OTOGL: variants seen among roughly 807,000 people sequenced by gnomAD.
OTOGL encodes otogelin like, also known as otogelin-like protein.
In OTOGL, 285 loss-of-function variants were observed where a neutral mutation model predicts 318.5. The observed-to-expected ratio is 0.89, with a 90% CI of 0.81 to 0.99. The LOEUF (loss-of-function observed/expected upper bound fraction) is 0.99, where lower values mean the gene tolerates loss of function less well. Among genes scored for constraint, OTOGL ranks in the 50% least tolerant of loss-of-function variants. OTOGL has a pLI of 0.00. For synonymous variants in OTOGL, 987 were observed against 936.5 expected (o/e 1.05, Z -0.99); for missense variants, 2,899 against 2,845.6 (o/e 1.02, Z -0.43).
intron 26 of OTOGL, among the ~76,000 whole-genome samples, chr12:80,284,449 G>T (rs1001821512): frequency 3.3e-5 from 5 of 152,110 alleles, no homozygotes; most frequent in African/African-American, 1.2e-4. Context: ...TTGAGGAATT[G>T]CTACACTGTC....
chr12:80,232,933 A>C lies in OTOGL; in HGVS notation c.653A>C (p.Lys218Thr), dbSNP rs1463529710. ...ACAATTGGACAGATTTTCATTGAGA[A>C]ACTAGCTGACTACATTCTTGTGAAA... is the stretch of plus-strand genomic sequence containing the variant. Reference protein sequence around the residue: ...PQTIGQIFIEKLADYILVKTT... With the variant: ...PQTIGQIFIETLADYILVKTT... The change falls in exon 9 of 59, where the codon AAA becomes ACA. Residue 218 changes from lysine to threonine, a missense_variant. This residue lies in a region of OTOGL where 2,607 missense variants were observed against 2,524.9 expected (regional missense o/e 1.03). Coordinates refer to ENST00000547103, the MANE Select transcript of OTOGL (RefSeq NM_001378609.3). 1.9e-6 allele frequency: 3 copies of C among 1,599,296 alleles called. No homozygotes were observed. The highest frequency in any genetic ancestry group is 1.3e-5 in the African/African-American group (1 of 75,050).
intron 36 of OTOGL, 126 bp from the exon 37 acceptor site, chr12:80,328,925 C>A: frequency 9.6e-7 from 1 of 1,040,690 alleles, no homozygotes; most frequent in Non-Finnish European, 1.4e-6. Context: ...AGATCTTCCA[C>A]TAACATCTCT....
At chr12:80,154,580 C>T (rs1025518500) in intron 1 of OTOGL, among the ~76,000 whole-genome samples, 1 of 152,150 alleles carries the variant, frequency 6.6e-6, no homozygotes, top group African/African-American at 2.4e-5. Context: ...TTTAATGAAT[C>T]ATTGTTTGCT....
At chr12:80,366,530 TAA>T (rs1555304858) in intron 52 of OTOGL, 42 bp from the exon 53 acceptor site, 2 of 355,258 alleles carry the variant, frequency 5.6e-6, no homozygotes, top group Non-Finnish European at 9.0e-6. Flanking sequence ...TATATATATA[TAA>T]AATAAGCTAA....
chr12:80,119,646 A>G (rs373976397), intron 1 of OTOGL, among the ~76,000 whole-genome samples: 4 of 151,726 alleles, frequency 2.6e-5, no homozygotes, highest in Admixed American at 2.6e-4. Context: ...TCCCCCATGT[A>G]CTCTGTTACT....
At position 80,306,157 on chromosome 12, in the gene OTOGL, G is replaced by T. The variant is rs556017681; in HGVS notation, c.3333+462G>T. 3.0e-4 allele frequency among the ~76,000 whole-genome samples: 45 copies of T among 152,268 alleles called. No individual in the cohort carries two copies. In the South Asian group the frequency reaches 5.0e-3, roughly 17 times the overall value. ...AGGGAGACACGTGTATATGTGTGTG[G>T]GTGGGTGGATTGTGGTCAACTACCT... On this transcript the variant is annotated intron_variant, in intron 29 of 58. Transcript: ENST00000547103.
At chr12:80,254,614 T>G (rs772313054) in intron 15 of OTOGL, 44 bp downstream of exon 15, 1 of 1,505,976 alleles carries the variant, frequency 6.6e-7, no homozygotes, top group South Asian at 1.2e-5. Context: ...TCAAATTTCT[T>G]TAGACTGGGG....
At chr12:80,146,000 T>A (rs9668411) in intron 1 of OTOGL, among the ~76,000 whole-genome samples, 33 of 149,940 alleles carry the variant, frequency 2.2e-4, no homozygotes, top group Non-Finnish European at 4.4e-4. Flanking sequence ...ATGTCATCTG[T>A]AAGCAGGGAC....
chr12:80,307,559 G>C (rs1326611421), intron 29 of OTOGL, among the ~76,000 whole-genome samples: 7 of 147,110 alleles, frequency 4.8e-5, no homozygotes, highest in Non-Finnish European at 7.5e-5. Flanking sequence ...CTGGCCGGGT[G>C]GGGGGCTGAC....
intron 1 of OTOGL, among the ~76,000 whole-genome samples, chr12:80,207,284 C>G (rs1236207768): frequency 6.6e-6 from 1 of 152,136 alleles, no homozygotes; most frequent in Non-Finnish European, 1.5e-5. Flanking sequence ...TCACCACAAG[C>G]TCCGCCTCCC....
intron 1 of OTOGL, among the ~76,000 whole-genome samples, chr12:80,115,321 C>T (rs1870094119): frequency 6.6e-6 from 1 of 151,836 alleles, no homozygotes; most frequent in East Asian, 1.9e-4. Flanking sequence ...ATTGCTTTCT[C>T]TTTGTAATTT....
intron 1 of OTOGL, among the ~76,000 whole-genome samples, chr12:80,170,732 C>G (rs894397204): frequency 2.0e-5 from 3 of 152,074 alleles, no homozygotes; most frequent in African/African-American, 4.8e-5. Flanking sequence ...CTGTGCCCAG[C>G]CTTCTTTTCT....
chr12:80,282,148 G>A (rs942783202), intron 26 of OTOGL, among the ~76,000 whole-genome samples: 3 of 151,806 alleles, frequency 2.0e-5, no homozygotes, highest in Non-Finnish European at 4.4e-5. Context: ...AATGAAAAAT[G>A]TGAGCTTTAG....
intron 1 of OTOGL, among the ~76,000 whole-genome samples, chr12:80,205,370 A>G (rs1876742075): frequency 6.6e-6 from 1 of 152,230 alleles, no homozygotes; most frequent in Non-Finnish European, 1.5e-5. Context: ...GTTGAAAAAC[A>G]AATGTCGCTA....
chr12:80,156,556 C>G (rs992515054), intron 1 of OTOGL, among the ~76,000 whole-genome samples: 3 of 152,224 alleles, frequency 2.0e-5, no homozygotes, highest in African/African-American at 7.2e-5. Flanking sequence ...GGAAGGGACC[C>G]GGTGGGAGAT....
At chr12:80,346,674 G>A (rs371985305) in intron 44 of OTOGL, among the ~76,000 whole-genome samples, 14 of 151,946 alleles carry the variant, frequency 9.2e-5, no homozygotes, top group Middle Eastern at 3.4e-3. Context: ...CCCACACCCC[G>A]CCCCTGTTGA....
chr12:80,215,816 T>G (rs927547868), intron 4 of OTOGL, among the ~76,000 whole-genome samples: 2 of 152,156 alleles, frequency 1.3e-5, no homozygotes, highest in Non-Finnish European at 1.5e-5. Flanking sequence ...GAAGAGAGAA[T>G]AAGACTTGCC....
chr12:80,136,608 G>A (rs770891245), intron 1 of OTOGL, among the ~76,000 whole-genome samples: 3 of 152,050 alleles, frequency 2.0e-5, no homozygotes, highest in Non-Finnish European at 4.4e-5. Context: ...AAAGTCTCAG[G>A]CTTTTGGACT....
chr12:80,146,191 G>C (rs1350652605), intron 1 of OTOGL, among the ~76,000 whole-genome samples: 1 of 147,468 alleles, frequency 6.8e-6, no homozygotes, highest in Non-Finnish European at 1.5e-5. Context: ...ATTGGCTGTG[G>C]GTTTGTCATA....
Sources: gnomAD v4.1 joint callset for allele counts (sites outside exome capture counted in the v4.1 genomes callset) on GRCh38, gnomAD v4.1.1 for gene constraint, gnomAD v4.1.1 regional missense constraint, MANE v1.5 for transcripts, NCBI Gene and HGNC (gene_info 2026-07-23, HGNC 2026-07-21) for gene names.